Variants in POU6F2 observed in about 807,000 individuals in gnomAD.
The protein encoded by POU6F2 is POU class 6 homeobox 2.
A neutral mutation model predicts 71.3 loss-of-function variants in POU6F2; 31 were observed. The ratio of observed to expected loss-of-function variants is 0.43; its 90% CI spans 0.33 to 0.59. The LOEUF is 0.59. Among genes scored for constraint, POU6F2 ranks in the 20% least tolerant of loss-of-function variants. The probability of loss-of-function intolerance (pLI) is 0.04; values close to 1 mark genes in which losing one functional copy is unlikely to be tolerated. For missense variants in POU6F2, 783 were observed against 856.8 expected, an observed-to-expected ratio of 0.91 and a Z score of 1.07; for synonymous variants, 347 against 355.7, an observed-to-expected ratio of 0.98 and a Z score of 0.27.
intron 2 of POU6F2, among the ~76,000 whole-genome samples, chr7:39,176,389 T>G (rs1342686792): frequency 6.6e-6 from 1 of 152,224 alleles, no homozygotes; most frequent in Non-Finnish European, 1.5e-5. Context: ...CTACAAATAA[T>G]GAGAATGAGA....
chr7:39,233,037 A>C (rs1794603670), intron 4 of POU6F2, among the ~76,000 whole-genome samples: 1 of 152,138 alleles, frequency 6.6e-6, no homozygotes, highest in South Asian at 2.1e-4. Flanking sequence ...ATATATTTTA[A>C]ATGTTTTCTG....
chr7:39,308,043 C>T (rs1452690060), intron 4 of POU6F2, among the ~76,000 whole-genome samples: 1 of 152,148 alleles, frequency 6.6e-6, no homozygotes, highest in Non-Finnish European at 1.5e-5. Flanking sequence ...CCTCCACTGT[C>T]CACCTACTTC....
At chr7:39,209,664 C>T (rs896006572) in intron 4 of POU6F2, among the ~76,000 whole-genome samples, 19 of 152,146 alleles carry the variant, frequency 1.2e-4, no homozygotes, top group African/African-American at 4.3e-4. Flanking sequence ...GATAAATGTC[C>T]ACCACCTAAA....
At position 39,204,305 on chromosome 7, in the gene POU6F2, C is replaced by T. The variant is rs143669624; in HGVS notation, c.348C>T (p.Pro116=). The T allele has an allele frequency of 6.2e-7, 1 of 1,613,754 alleles. No individual in the cohort carries two copies. Among genetic ancestry groups the T allele is most frequent in the South Asian group, 1.1e-5 (1 of 91,032 alleles). The change falls in exon 3 of 10, where the codon CCC becomes CCT. Residue 116 remains proline, a synonymous_variant. Transcript: ENST00000518318. ...PDQHQASQTH[P]PFPVGPQPLL... The stretch of plus-strand genomic sequence containing the variant: ...AACACCAGGCCAGTCAGACCCACCC[C>T]CCATTTCCAGTTGGGCCACAGGTCA...
At chr7:39,091,195 C>CT (rs1370845137) in intron 2 of POU6F2, among the ~76,000 whole-genome samples, 2 of 152,136 alleles carry the variant, frequency 1.3e-5, no homozygotes, top group Non-Finnish European at 2.9e-5. Flanking sequence ...GGTGTTCAAA[C>CT]TTTTCACCAT....
At chr7:39,376,846 T>C (rs1377780570) in intron 5 of POU6F2, among the ~76,000 whole-genome samples, 1 of 151,170 alleles carries the variant, frequency 6.6e-6, no homozygotes, top group Non-Finnish European at 1.5e-5. Flanking sequence ...TTTGCTCTAT[T>C]TTAATATTAC....
chr7:39,310,574 T>C (rs1023721583), intron 4 of POU6F2, among the ~76,000 whole-genome samples: 5 of 152,222 alleles, frequency 3.3e-5, no homozygotes, highest in African/African-American at 1.2e-4. Context: ...ACAGATTCTT[T>C]TTAAAATTAA....
At chr7:39,276,425 G>A (rs1001114914) in intron 4 of POU6F2, among the ~76,000 whole-genome samples, 2 of 152,218 alleles carry the variant, frequency 1.3e-5, no homozygotes, top group Non-Finnish European at 2.9e-5. Context: ...GGGATGTGGA[G>A]AAATAGGAAC....
chr7:39,464,181 G>A lies in POU6F2; in HGVS notation c.1659-1G>A. ...TGTTCTTTCTCAATTTTCCCCCCCA[G>A]ACACACCATCCTGAGAAGCCACTTT... On this transcript the variant is annotated splice_acceptor_variant, in intron 9 of 9. Transcript: ENST00000518318. LOFTEE classifies it high-confidence loss of function. The surrounding 1 kb of genome is among the most constrained non-coding windows in gnomAD (Gnocchi z 4.1). 1 of 1,613,004 alleles carries A rather than the reference G, an allele frequency of 6.2e-7. No individual in the cohort carries two copies. Among genetic ancestry groups the A allele is most frequent in the Non-Finnish European group, 8.5e-7 (1 of 1,179,222 alleles).
At chr7:39,017,158 C>G (rs1789574773) in intron 1 of POU6F2, among the ~76,000 whole-genome samples, 1 of 152,088 alleles carries the variant, frequency 6.6e-6, no homozygotes. Flanking sequence ...AGCTTAGTGC[C>G]TAATAGGTGG....
At chr7:38,988,417 C>T (rs1466997778) in intron 1 of POU6F2, among the ~76,000 whole-genome samples, 2 of 152,020 alleles carry the variant, frequency 1.3e-5, no homozygotes, top group East Asian at 3.9e-4. Context: ...CCTCCTGCCC[C>T]CCGCCAATCA....
chr7:38,998,838 T>TTTTTTTTTTTTTTTTTTTG (rs869182741), intron 1 of POU6F2, among the ~76,000 whole-genome samples: 1 of 141,330 alleles, frequency 7.1e-6, no homozygotes. Flanking sequence ...TTTTTTTTTT[T>TTTTTTTTTTTTTTTTTTTG]TATTTTCAGT....
intron 2 of POU6F2, among the ~76,000 whole-genome samples, chr7:39,152,542 G>A (rs1208857840): frequency 6.6e-6 from 1 of 152,098 alleles, no homozygotes; most frequent in Admixed American, 6.5e-5. Context: ...AGGGGTGCCA[G>A]CCCAAGAAGT....
chr7:39,071,626 CA>C (rs1335399023), intron 1 of POU6F2, among the ~76,000 whole-genome samples: 1 of 150,896 alleles, frequency 6.6e-6, no homozygotes, highest in African/African-American at 2.4e-5. Flanking sequence ...CCAGCCCAGG[CA>C]ACATGGTGAA....
chr7:39,315,018 T>G (rs1785236085), intron 4 of POU6F2, among the ~76,000 whole-genome samples: 1 of 152,222 alleles, frequency 6.6e-6, no homozygotes, highest in Admixed American at 6.5e-5. Context: ...ACTGCACTGT[T>G]ACACGTAACA....
At chr7:39,300,205 A>G (rs1288288899) in intron 4 of POU6F2, among the ~76,000 whole-genome samples, 1 of 152,230 alleles carries the variant, frequency 6.6e-6, no homozygotes, top group Admixed American at 6.5e-5. Context: ...GACTTTATAA[A>G]AGTTTAAAAC....
chr7:39,247,373 C>T (rs2128752236), intron 4 of POU6F2, among the ~76,000 whole-genome samples: 1 of 152,108 alleles, frequency 6.6e-6, no homozygotes, highest in Non-Finnish European at 1.5e-5. Flanking sequence ...ATCGCCTAAG[C>T]CCAGTAGGCG....
chr7:39,340,436 A>G (rs1785893610), intron 5 of POU6F2, among the ~76,000 whole-genome samples: 1 of 152,182 alleles, frequency 6.6e-6, no homozygotes, highest in Non-Finnish European at 1.5e-5. Context: ...TCTCTATATT[A>G]TGAATACAAC....
In POU6F2 at chr7:39,097,719, AGAG is replaced by A. The variant is rs143880564; in HGVS notation, c.277+11689_277+11691del. ...CTGTGCTGTGTCCTGAGGACTCAGT[AGAG>A]AAGACACCACATAGAATTGATCACC... is the stretch of plus-strand genomic sequence containing the variant. On this transcript the variant is annotated intron_variant, in intron 2 of 9. Transcript: ENST00000518318. Among the ~76,000 whole-genome samples the A allele has an allele frequency of 1.1e-3, 167 of 152,364 alleles. 1 individual carries two copies. The East Asian group carries it at 0.03, about 27-fold the overall frequency.
Sources: allele counts gnomAD v4.1 joint callset (sites outside exome capture counted in the v4.1 genomes callset), GRCh38; gene constraint gnomAD v4.1.1; non-coding constraint Gnocchi (gnomAD v3.1); transcripts MANE v1.5; gene names NCBI Gene and HGNC (gene_info 2026-07-23, HGNC 2026-07-21).